MAPT: variants seen among roughly 807,000 people sequenced by gnomAD.
The protein encoded by MAPT is microtubule-associated protein tau.
MAPT carries 34 observed loss-of-function variants against 67.9 expected under a neutral mutation model. The observed-to-expected ratio is 0.50, with a 90% confidence interval of 0.38 to 0.67. MAPT has a LOEUF of 0.67. Ranked by LOEUF, MAPT falls within the 30% of genes least tolerant of loss-of-function variation. The pLI is 0.00. For missense variants in MAPT, 881 were observed against 1,115.2 expected (o/e 0.79, Z 2.99); for synonymous variants, 456 against 464.5 (o/e 0.98, Z 0.23).
chr17:45,957,952 A>G (rs773874817), intron 1 of MAPT, among the ~76,000 whole-genome samples: 2 of 152,206 alleles, frequency 1.3e-5, no homozygotes, highest in East Asian at 1.9e-4. Flanking sequence ...CACCTAGAGA[A>G]TAAGACTTGA....
chr17:45,958,198 G>A (rs1191344672), intron 1 of MAPT, among the ~76,000 whole-genome samples: 1 of 152,124 alleles, frequency 6.6e-6, no homozygotes, highest in East Asian at 1.9e-4. Context: ...AGAAGAAAAT[G>A]GATGATCTTT....
intron 2 of MAPT, among the ~76,000 whole-genome samples, chr17:45,968,257 G>T (rs750575307): frequency 6.6e-6 from 1 of 152,112 alleles, no homozygotes; most frequent in South Asian, 2.1e-4. Context: ...TGTTCAAGAT[G>T]TCTCATGTTC....
At chr17:46,013,061 G>A (rs540330494) in intron 10 of MAPT, among the ~76,000 whole-genome samples, 2 of 152,296 alleles carry the variant, frequency 1.3e-5, no homozygotes, top group South Asian at 4.1e-4. Context: ...TTCCAGTTTA[G>A]ACCTAAGTGG....
At chr17:45,903,632 G>A (rs112003140) in intron 1 of MAPT, among the ~76,000 whole-genome samples, 19,436 of 141,452 alleles carry the variant, frequency 0.14, 1,858 homozygotes, top group Middle Eastern at 0.21. Context: ...GGGGAATGGC[G>A]TGAACCCGGG....
At chr17:45,949,541 A>G (rs2145090314) in intron 1 of MAPT, among the ~76,000 whole-genome samples, 2 of 152,336 alleles carry the variant, frequency 1.3e-5, no homozygotes, top group South Asian at 4.1e-4. Context: ...CTCTCTGCTT[A>G]CTAGCTGTGT....
At chr17:45,950,459 G>T (rs917050842) in intron 1 of MAPT, among the ~76,000 whole-genome samples, 33 of 147,508 alleles carry the variant, frequency 2.2e-4, no homozygotes, top group Non-Finnish European at 4.5e-4. Flanking sequence ...AGGGCCTAGG[G>T]GTTCTTGGAG....
rs1353016067 is a variant in MAPT at position 45,996,412 on chromosome 17, A to T, written c.1746A>T (p.Lys582Asn). ...CTTCCTTCCCAGGTGAACCTCCAAA[A>T]TCAGGGGATCGCAGCGGCTACAGCA... is the stretch of plus-strand genomic sequence containing the variant. ...KTPPSSGEPP[K>N]SGDRSGYSSP... The change falls in exon 9 of 13, where the codon AAA (lysine) becomes AAT (asparagine). Residue 582 changes from lysine (K) to asparagine (N), a missense_variant. Lys to Asn is a moderately conservative substitution (Grantham distance 94). Coordinates refer to ENST00000262410, the MANE Select transcript of MAPT (RefSeq NM_001377265.1). This position sits in a 1 kb window ranked among gnomAD's most constrained non-coding sequence, Gnocchi z 4.5. The T allele has an allele frequency of 6.2e-7, 1 of 1,612,214 alleles. No homozygotes were observed. The highest frequency in any genetic ancestry group is 1.3e-5 in the African/African-American group (1 of 74,850).
In MAPT at chr17:45,906,442, T is replaced by A. The variant is rs1040655408; in HGVS notation, c.-18+11756T>A. Among the ~76,000 whole-genome samples the A allele has an allele frequency of 1.3e-5, 2 of 152,152 alleles. No individual in the cohort carries two copies. The highest frequency in any genetic ancestry group is 4.1e-4 in the South Asian group (2 of 4,832). On this transcript the variant is annotated intron_variant, in intron 1 of 12. Transcript: ENST00000262410. This position sits in a 1 kb window ranked among gnomAD's most constrained non-coding sequence, Gnocchi z 4.3. ...ATTAAATTAAAGCCAGGCATTGACT[T>A]GGATGGTGTAATATTCTGACATCTG...
Position 45,900,551 on chromosome 17 carries a change from C to T in MAPT, c.-18+5865C>T, listed in dbSNP as rs558567020. ...TCCATGCTGAGCCCAATCAGGGACC[C>T]GATAGAAATCCAAACACCATGTCAG... On this transcript the variant is annotated intron_variant, in intron 1 of 12. Coordinates refer to ENST00000262410, the MANE Select transcript of MAPT (RefSeq NM_001377265.1). 2.0e-5 allele frequency among the ~76,000 whole-genome samples: 3 copies of T among 152,244 alleles called. No individual in the cohort carries two copies. The South Asian group carries it at 6.2e-4, about 32-fold the overall frequency.
rs1283610961 is a variant in MAPT at position 45,941,693 on chromosome 17, T to G, written c.-17-20628T>G. Among the ~76,000 whole-genome samples the G allele has an allele frequency of 3.7e-4, 27 of 73,960 alleles. 1 individual carries two copies. The highest frequency in any genetic ancestry group is 1.8e-3 in the African/African-American group (27 of 14,730). 48.5% of individuals were successfully genotyped at this position (73,960 alleles called of 152,430 possible). A position where few individuals can be genotyped will look rare whatever the true frequency, so the allele number is the denominator to read the frequency against. On this transcript the variant is annotated intron_variant, in intron 1 of 12. Transcript: ENST00000262410. ...TTCCCCCCTTCCCTCCTTCCTTCCTTCCTTCCTGCCTGCCTTCCTTCCTTC... is the reference window on the plus strand; with the variant it reads ...TTCCCCCCTTCCCTCCTTCCTTCCTGCCTTCCTGCCTGCCTTCCTTCCTTC...
At chr17:45,914,221 A>AGGGTGTG (rs1555677734) in intron 1 of MAPT, among the ~76,000 whole-genome samples, 4 of 152,160 alleles carry the variant, frequency 2.6e-5, no homozygotes, top group Admixed American at 6.5e-5. Context: ...GTGGGCAGCC[A>AGGGTGTG]GGCTGCCACG....
chr17:46,014,353 C>T (rs773998575), intron 11 of MAPT, 29 bp downstream of exon 11: 50 of 1,329,184 alleles, frequency 3.8e-5, no homozygotes, highest in Admixed American at 2.8e-4. Context: ...AGGGTTGGGA[C>T]GGGAGGGTGC....
intron 9 of MAPT, among the ~76,000 whole-genome samples, chr17:46,002,607 G>A (rs1333147404): frequency 6.6e-6 from 1 of 152,152 alleles, no homozygotes; most frequent in East Asian, 1.9e-4. Context: ...AAGACGTGAA[G>A]CAGCACAGAG....
Position 45,991,471 on chromosome 17 carries a change from T to TAA in MAPT, c.1620_1621dup (p.Thr541LysfsTer106). 6.2e-7 allele frequency: 1 copy of TAA among 1,614,128 alleles called. No individual in the cohort carries two copies. Among genetic ancestry groups the TAA allele is most frequent in the Non-Finnish European group, 8.5e-7 (1 of 1,180,022 alleles). Reference sequence around the variant, plus strand: ...TGTTTCATTTACAGGGGGCTGATGGTAAAACGAAGATCGCCACACCGCGGG... The same window carrying TAA: ...TGTTTCATTTACAGGGGGCTGATGGTAAAAAACGAAGATCGCCACACCGCGGG... On this transcript the variant is annotated frameshift_variant, in exon 8 of 13. Coordinates refer to ENST00000262410, the MANE Select transcript of MAPT (RefSeq NM_001377265.1). LOFTEE classifies it high-confidence loss of function.
intron 1 of MAPT, among the ~76,000 whole-genome samples, chr17:45,923,592 A>G (rs908567630): frequency 1.3e-5 from 2 of 152,266 alleles, no homozygotes; most frequent in Non-Finnish European, 2.9e-5. Flanking sequence ...CACATCATGC[A>G]GCTATTCATT....
At position 45,897,008 on chromosome 17, in the gene MAPT, G is replaced by A. The variant is rs1296270500; in HGVS notation, c.-18+2322G>A. The A allele has an allele frequency of 1.3e-5, 2 of 152,278 alleles. No individual in the cohort carries two copies. Among genetic ancestry groups the A allele is most frequent in the Non-Finnish European group, 2.9e-5 (2 of 68,080 alleles). 9.4% of individuals were successfully genotyped at this position (152,278 alleles called of 1,614,324 possible). On this transcript the variant is annotated intron_variant, in intron 1 of 12. Coordinates refer to ENST00000262410, the MANE Select transcript of MAPT (RefSeq NM_001377265.1). This position sits in a 1 kb window ranked among gnomAD's most constrained non-coding sequence, Gnocchi z 5.0. ...AGGTTGATCTGAATTTCTGGGGAAT[G>A]GCTTGGCTGCCCGCCCGGGACCAGG...
In MAPT at chr17:45,999,360, C is replaced by T. The variant is rs763740965; in HGVS notation, c.1998+2696C>T. 1.4e-5 allele frequency: 23 copies of T among 1,613,814 alleles called. No individual in the cohort carries two copies. The highest frequency in any genetic ancestry group is 2.2e-5 in the South Asian group (2 of 91,086). On this transcript the variant is annotated intron_variant, in intron 9 of 12. Coordinates refer to ENST00000262410, the MANE Select transcript of MAPT (RefSeq NM_001377265.1). ...GCAGGTGGCCGGCCCTCATTGAATG[C>T]GGGGTTAATTTAACTCAGCCTCTGT...
intron 1 of MAPT, among the ~76,000 whole-genome samples, chr17:45,903,164 A>C (rs1984937): frequency 0.14 from 21,818 of 152,190 alleles, 2,138 homozygotes; most frequent in Middle Eastern, 0.22. Context: ...TGGGAAGGAC[A>C]AATTCATGGA....
intron 1 of MAPT, among the ~76,000 whole-genome samples, chr17:45,923,632 C>A (rs1180395112): frequency 6.6e-6 from 1 of 152,234 alleles, no homozygotes; most frequent in Non-Finnish European, 1.5e-5. Context: ...TTGCATGCGA[C>A]CTTGGCCTAC....
Sources: allele counts gnomAD v4.1 joint callset (sites outside exome capture counted in the v4.1 genomes callset), GRCh38; gene constraint gnomAD v4.1.1; non-coding constraint Gnocchi (gnomAD v3.1); transcripts MANE v1.5; gene names NCBI Gene and HGNC (gene_info 2026-07-23, HGNC 2026-07-21).